Variants in TPP1 observed in about 807,000 individuals in gnomAD.
TPP1 encodes the protein tripeptidyl-peptidase 1.
TPP1 carries 43 observed loss-of-function variants against 67.6 expected under a neutral mutation model. That is an observed-to-expected ratio of 0.64 (90% CI 0.50 to 0.82). The LOEUF (loss-of-function observed/expected upper bound fraction) is 0.82. Ranked by LOEUF, TPP1 falls within the 40% of genes least tolerant of loss-of-function variation. The pLI is 0.00. For synonymous variants in TPP1, 272 were observed against 281.5 expected (o/e 0.97, Z 0.34); for missense variants, 671 against 710.9 (o/e 0.94, Z 0.64).
In TPP1 at chr11:6,614,740, G is replaced by A. The variant is rs113995349; in HGVS notation, c.1552-54C>T. 1.6e-3 allele frequency: 2,579 copies of A among 1,613,960 alleles called. 56 individuals carry two copies. The African/African-American group carries it at 0.029, about 18-fold the overall frequency. ...GCCTACTAGTACCAGTACTTAAAGA[G>A]TATATCTCCTCACCCTGTACTCACA... On this transcript the variant is annotated intron_variant, in intron 12 of 12. Transcript: ENST00000299427.
intron 4 of TPP1, 43 bp downstream of exon 4, chr11:6,617,583 T>G: frequency 6.2e-7 from 1 of 1,613,822 alleles, no homozygotes; most frequent in Non-Finnish European, 8.5e-7. Flanking sequence ...ATCTCACTGA[T>G]GGGATGACTG....
chr11:6,617,966 C>A, intron 3 of TPP1, 190 bp from the exon 4 acceptor site: 1 of 718,442 alleles, frequency 1.4e-6, no homozygotes, highest in South Asian at 1.7e-5. Context: ...AATGCCATGG[C>A]CAATAATATG....
intron 3 of TPP1, chr11:6,618,159 G>C: frequency 2.8e-6 from 1 of 357,540 alleles, no homozygotes. Context: ...CATACTTGTT[G>C]ATTTTAAGCT....
rs758909520 is a variant in TPP1 at position 6,619,404 on chromosome 11, GC to G, written c.-5del. The G allele has an allele frequency of 6.2e-7, 1 of 1,614,150 alleles. No individual in the cohort carries two copies. The highest frequency in any genetic ancestry group is 8.5e-7 in the Non-Finnish European group (1 of 1,180,022). The stretch of plus-strand genomic sequence containing the variant: ...CTCACCAGGCTTGGAGTCCCATTCT[GC>G]CCTTCCGCGGATCTGCTGTCATGTG... On this transcript the variant is annotated 5_prime_UTR_variant, in exon 1 of 13. Coordinates refer to ENST00000299427, the MANE Select transcript of TPP1 (RefSeq NM_000391.4).
rs779615685 is a variant in TPP1, at chr11:6,619,383, C to G, written c.17+1G>C. ...TCTCCCGAGCCCTCTCAATTTCTCACCAGGCTTGGAGTCCCATTCTGCCCT... is the reference window on the plus strand; with the variant it reads ...TCTCCCGAGCCCTCTCAATTTCTCAGCAGGCTTGGAGTCCCATTCTGCCCT... On this transcript the variant is annotated splice_donor_variant, in intron 1 of 12. Coordinates refer to ENST00000299427, the MANE Select transcript of TPP1 (RefSeq NM_000391.4). LOFTEE classifies it high-confidence loss of function. The G allele has an allele frequency of 1.2e-6, 2 of 1,614,244 alleles. No homozygotes were observed. Among genetic ancestry groups the G allele is most frequent in the Non-Finnish European group, 1.7e-6 (2 of 1,180,038 alleles).
intron 3 of TPP1, chr11:6,618,034 A>C: frequency 1.8e-6 from 1 of 556,060 alleles, no homozygotes; most frequent in Non-Finnish European, 3.2e-6. Flanking sequence ...TATTGCCATG[A>C]TCATGAAAAT....
intron 2 of TPP1, 125 bp downstream of exon 2, chr11:6,619,071 A>T (rs770829044): frequency 2.0e-6 from 3 of 1,469,000 alleles, no homozygotes; most frequent in Non-Finnish European, 2.8e-6. Context: ...GAGGCTAGGA[A>T]CATAGAGATG....
chr11:6,618,893 G>C lies in TPP1; in HGVS notation c.112C>G (p.Leu38Val), dbSNP rs1294965519. Residue 38 changes from leucine (L) to valine (V), a missense_variant, in exon 3 of 13, where the codon CTG (leucine) becomes GTG (valine). Leu to Val is a conservative substitution (Grantham distance 32, BLOSUM62 1). Transcript: ENST00000299427. ...TCTTCCTCAGGGTCCGCACGGCCCA[G>C]GGACACCCAGCCTGGGGGCAGCCTG... Reference protein sequence around the residue: ...RRTLPPGWVSLGRADPEEELS... With the variant: ...RRTLPPGWVSVGRADPEEELS... 1 of 1,613,682 alleles carries C rather than the reference G, an allele frequency of 6.2e-7. No individual in the cohort carries two copies. Among genetic ancestry groups the C allele is most frequent in the South Asian group, 1.1e-5 (1 of 91,088 alleles).
chr11:6,615,949 T>C, intron 9 of TPP1, 56 bp downstream of exon 9: 1 of 1,542,764 alleles, frequency 6.5e-7, no homozygotes, highest in Non-Finnish European at 9.0e-7. Context: ...TTCTACATCA[T>C]GAGATCACAA....
At chr11:6,618,661 A>G in intron 3 of TPP1, 115 bp downstream of exon 3, 1 of 1,459,638 alleles carries the variant, frequency 6.9e-7, no homozygotes, top group Non-Finnish European at 9.4e-7. Flanking sequence ...TTAGGTTTCT[A>G]GCCTGAGGAA....
rs759664259 is a variant in TPP1 at position 6,614,558 on chromosome 11, TAG to T, written c.1678_1679del (p.Leu560ThrfsTer47). 9 of 1,613,794 alleles carry T rather than the reference TAG, an allele frequency of 5.6e-6. No homozygotes were observed. Among genetic ancestry groups the T allele is most frequent in the Non-Finnish European group, 5.9e-6 (7 of 1,179,922 alleles). ...TPNFPALLKTLLNP is the reference protein window; with the variant it reads ...TPNFPALLKTXLNP ...TGATAGGAAAGGGTCAGGGGTTGAG[TAG>T]AGTCTTCAGCAAAGCTGGGAAGTTG... On this transcript the variant is annotated frameshift_variant, in exon 13 of 13. Transcript: ENST00000299427. LOFTEE classifies it high-confidence loss of function.
At position 6,618,882 on chromosome 11, in the gene TPP1, C is replaced by G. The variant is rs747260298; in HGVS notation, c.123G>C (p.Ala41=). The G allele has an allele frequency of 1.9e-6, 3 of 1,613,714 alleles. No homozygotes were observed. Among genetic ancestry groups the G allele is most frequent in the Non-Finnish European group, 2.5e-6 (3 of 1,180,030 alleles). The stretch of plus-strand genomic sequence containing the variant: ...TGAGACTCAGCTCTTCCTCAGGGTC[C>G]GCACGGCCCAGGGACACCCAGCCTG... ...LPPGWVSLGR[A]DPEEELSLTF... is the part of the protein sequence containing the mutation. The change falls in exon 3 of 13, where the codon GCG becomes GCC. Residue 41 remains alanine, a synonymous_variant. Coordinates refer to ENST00000299427, the MANE Select transcript of TPP1 (RefSeq NM_000391.4).
In TPP1 at chr11:6,614,534, GA is replaced by G; in HGVS notation, c.*11del. 1 of 1,614,178 alleles carries G rather than the reference GA, an allele frequency of 6.2e-7. No individual in the cohort carries two copies. Among genetic ancestry groups the G allele is most frequent in the Non-Finnish European group, 8.5e-7 (1 of 1,180,028 alleles). On this transcript the variant is annotated 3_prime_UTR_variant, in exon 13 of 13. Transcript: ENST00000299427. Reference sequence around the variant, plus strand: ...GGGCAGGGGACAAGCCATCTCTCCTGATAGGAAAGGGTCAGGGGTTGAGTAG... The same window carrying G: ...GGGCAGGGGACAAGCCATCTCTCCTGTAGGAAAGGGTCAGGGGTTGAGTAG...
intron 7 of TPP1, 38 bp from the exon 8 acceptor site, chr11:6,616,541 C>T: frequency 1.3e-6 from 2 of 1,570,598 alleles, no homozygotes; most frequent in Non-Finnish European, 8.6e-7. Flanking sequence ...GGGATGGGCA[C>T]AAAGATAGTC....
rs755019471 is a variant in TPP1, at chr11:6,619,234, G to C, written c.51C>G (p.Gly17=). 96 of 1,614,076 alleles carry C rather than the reference G, an allele frequency of 5.9e-5. No individual in the cohort carries two copies. The highest frequency in any genetic ancestry group is 7.9e-5 in the Non-Finnish European group (93 of 1,180,040). ...LLGLFALILS[G]KCSYSPEPDQ... is the part of the protein sequence containing the mutation. ...CGGGCTCCGGGCTGTAACTGCATTTGCCAGAGAGGATGAGGGCAAAGAGCC... is the reference window on the plus strand; with the variant it reads ...CGGGCTCCGGGCTGTAACTGCATTTCCCAGAGAGGATGAGGGCAAAGAGCC... The change falls in exon 2 of 13, where the codon GGC becomes GGG. Residue 17 remains glycine (G), a synonymous_variant. Coordinates refer to ENST00000299427, the MANE Select transcript of TPP1 (RefSeq NM_000391.4).
intron 3 of TPP1, chr11:6,618,023 G>T: frequency 1.7e-6 from 1 of 571,842 alleles, no homozygotes; most frequent in Non-Finnish European, 3.1e-6. Context: ...ACCACAGCAT[G>T]TATTGCCATG....
chr11:6,615,213 C>G lies in TPP1; in HGVS notation c.1383G>C (p.Val461=). Residue 461 remains valine (V), a synonymous_variant, in exon 11 of 13, where the codon GTG becomes GTC. Coordinates refer to ENST00000299427, the MANE Select transcript of TPP1 (RefSeq NM_000391.4). ...ATGGAATGGGCACTCTGTTGCTGAC[C>G]ACCCAGTAGCCATCAGAAAGTGCAG... ...DVAALSDGYW[V]VSNRVPIPWV... 6.2e-7 allele frequency: 1 copy of G among 1,614,186 alleles called. No individual in the cohort carries two copies. Among genetic ancestry groups the G allele is most frequent in the African/African-American group, 1.3e-5 (1 of 75,030 alleles).
chr11:6,614,216 A>G lies in TPP1; in HGVS notation c.*330T>C, dbSNP rs1589947205. 2.6e-6 allele frequency: 1 copy of G among 380,598 alleles called. No homozygotes were observed. The allele number at this position is 380,598 out of a possible 1,614,324, so 23.6% of individuals were successfully genotyped here. A position where few individuals can be genotyped will look rare whatever the true frequency, so the allele number is the denominator to read the frequency against. On this transcript the variant is annotated 3_prime_UTR_variant, in exon 13 of 13. Transcript: ENST00000299427. ...TGCAGTGAATTGGGGAATGAATATC[A>G]AGTGAAATAGTGCACAGAGTCTGTA...
At chr11:6,615,714 C>T (rs912660556) in intron 9 of TPP1, 152 bp from the exon 10 acceptor site, 12 of 1,034,290 alleles carry the variant, frequency 1.2e-5, no homozygotes, top group African/African-American at 1.6e-5. Context: ...TTTGAGCCTT[C>T]AAGGCATGGC....
Sources: allele counts gnomAD v4.1 joint callset, GRCh38; gene constraint gnomAD v4.1.1; transcripts MANE v1.5; gene names NCBI Gene and HGNC (gene_info 2026-07-23, HGNC 2026-07-21).